Variants in IVD observed in about 807,000 individuals in gnomAD.
IVD encodes isovaleryl-CoA dehydrogenase, mitochondrial.
IVD carries 31 observed loss-of-function variants against 51.3 expected under a neutral mutation model. The observed-to-expected ratio is 0.60, with a 90% CI of 0.45 to 0.81. IVD has a LOEUF of 0.81. IVD is among the 40% of genes least tolerant of loss of function. The pLI is 0.00. For synonymous variants in IVD, 205 were observed against 219.4 expected (o/e 0.93, Z 0.58); for missense variants, 475 against 552.0 (o/e 0.86, Z 1.40).
intron 9 of IVD, 39 bp from the exon 10 acceptor site, chr15:40,416,039 G>A (rs758504390): frequency 5.0e-6 from 8 of 1,590,740 alleles, no homozygotes; most frequent in South Asian, 3.3e-5. Context: ...CTGAGAGAGT[G>A]TTCCAGCATG....
chr15:40,423,773 T>C (rs1892505404), downstream of IVD, among the ~76,000 whole-genome samples: 1 of 152,258 alleles, frequency 6.6e-6, no homozygotes, highest in Non-Finnish European at 1.5e-5. Context: ...GGATAGTTCT[T>C]TAAAGTGCAT....
chr15:40,414,322 T>TA (rs1301667717), intron 7 of IVD: 1 of 161,212 alleles, frequency 6.2e-6, no homozygotes, highest in African/African-American at 2.4e-5. Context: ...CAGCTAGCAT[T>TA]AAAGGCAGGT....
At chr15:40,434,149 A>G (rs1196732715) in intron 8 of IVD, among the ~76,000 whole-genome samples, 1 of 152,206 alleles carries the variant, frequency 6.6e-6, no homozygotes, top group East Asian at 1.9e-4. Flanking sequence ...TGCATTTGCT[A>G]CTTAGTACCA....
chr15:40,426,402 G>T (rs770580974), downstream of IVD, among the ~76,000 whole-genome samples: 1 of 151,918 alleles, frequency 6.6e-6, no homozygotes, highest in South Asian at 2.1e-4. Context: ...GCCGGGTGTG[G>T]TGGTGGATGC....
chr15:40,423,991 C>G (rs2141406462), downstream of IVD: 1 of 335,870 alleles, frequency 3.0e-6, no homozygotes, highest in East Asian at 1.1e-4. Flanking sequence ...CTGTGTGCGC[C>G]ACTTGGTTAC....
chr15:40,423,755 C>T (rs1403312363), downstream of IVD, among the ~76,000 whole-genome samples: 2 of 152,202 alleles, frequency 1.3e-5, no homozygotes, highest in Non-Finnish European at 2.9e-5. Context: ...CCACCATGCC[C>T]GGCCCAAGGA....
At position 40,405,952 on chromosome 15, in the gene IVD, T is replaced by C. The variant is rs121434284; in HGVS notation, c.125T>C (p.Leu42Pro). Reference sequence around the variant, plus strand: ...CCCGTGGACGATGCAATCAATGGGCTAAGCGAGGAGCAGAGGCAGGTGAGG... The same window carrying C: ...CCCGTGGACGATGCAATCAATGGGCCAAGCGAGGAGCAGAGGCAGGTGAGG... Reference protein sequence around the residue: ...LLPVDDAINGLSEEQRQLRQT... With the variant: ...LLPVDDAINGPSEEQRQLRQT... The change falls in exon 1 of 12, where the codon CTA (leucine) becomes CCA (proline). Residue 42 changes from leucine to proline, a missense_variant. Leu to Pro is a moderately conservative substitution (Grantham distance 98, BLOSUM62 -3). Transcript: ENST00000487418. 3.7e-6 allele frequency: 6 copies of C among 1,611,412 alleles called. No individual in the cohort carries two copies. The highest frequency in any genetic ancestry group is 4.2e-6 in the Non-Finnish European group (5 of 1,179,048).
In IVD at chr15:40,418,846, A is replaced by C; in HGVS notation, c.*583A>C. On this transcript the variant is annotated 3_prime_UTR_variant, in exon 12 of 12. Coordinates refer to ENST00000487418, the MANE Select transcript of IVD (RefSeq NM_002225.5). ...TCTGGGGGAAAAAAATAATAAACCT[A>C]GCCTAGCCAGGCGTGGTGGCTCATG... The C allele has an allele frequency of 1.1e-6, 1 of 886,746 alleles. No homozygotes were observed. Among genetic ancestry groups the C allele is most frequent in the Non-Finnish European group, 1.4e-6 (1 of 699,550 alleles). The allele number at this position is 886,746 out of a possible 1,614,324, so 54.9% of individuals were successfully genotyped here.
At chr15:40,422,607 T>C (rs1451692255), downstream of IVD, among the ~76,000 whole-genome samples, 1 of 120,218 alleles carries the variant, frequency 8.3e-6, no homozygotes, top group East Asian at 2.4e-4. Flanking sequence ...TTTTTTTTTT[T>C]TTTTTTTTTT....
At chr15:40,408,676 C>T (rs770240371) in intron 3 of IVD, among the ~76,000 whole-genome samples, 4 of 152,064 alleles carry the variant, frequency 2.6e-5, no homozygotes, top group Non-Finnish European at 5.9e-5. Flanking sequence ...CTAGGCCAGG[C>T]GTGGTTGCTC....
In IVD at chr15:40,415,462, CAGA is replaced by C; in HGVS notation, c.944_946del (p.Lys315del). The C allele has an allele frequency of 6.2e-7, 1 of 1,614,158 alleles. No homozygotes were observed. The highest frequency in any genetic ancestry group is 8.5e-7 in the Non-Finnish European group (1 of 1,180,002). On this transcript the variant is annotated inframe_deletion, in exon 9 of 12. Transcript: ENST00000487418. ...CCTGCACGTGAGGGAAGCCTTTGGC[CAGA>C]AGATCGGCCACTTCCAGGTGAGCCG...
chr15:40,406,864 CTTTTTTTTT>C (rs920097308), intron 1 of IVD, among the ~76,000 whole-genome samples: 3 of 138,778 alleles, frequency 2.2e-5, no homozygotes, highest in Non-Finnish European at 3.2e-5. Flanking sequence ...TTTCTTTTTT[CTTTTTTTTT>C]TTTTTTTGAG....
At chr15:40,415,165 TATC>T in intron 8 of IVD, 183 bp downstream of exon 8, 1 of 780,734 alleles carries the variant, frequency 1.3e-6, no homozygotes, top group Admixed American at 2.5e-5. Context: ...AGTGGGGAAA[TATC>T]ATTAAGTAAC....
At chr15:40,406,009 C>T (rs1357668930) in intron 1 of IVD, 38 bp downstream of exon 1, 2 of 1,245,682 alleles carry the variant, frequency 1.6e-6, no homozygotes, top group Admixed American at 2.2e-5. Context: ...CCAAGGCCTC[C>T]TTCCTGCCTG....
chr15:40,429,943 A>G (rs1414417767), intron 7 of IVD, among the ~76,000 whole-genome samples: 1 of 152,234 alleles, frequency 6.6e-6, no homozygotes, highest in Non-Finnish European at 1.5e-5. Context: ...TGAATGAATC[A>G]GGTCAGGACA....
downstream of IVD, among the ~76,000 whole-genome samples, chr15:40,422,806 G>GT (rs1892433731): frequency 9.0e-6 from 1 of 111,630 alleles, no homozygotes; most frequent in Admixed American, 1.0e-4. Context: ...CACCATGTTG[G>GT]CCAGGCTGGT....
At chr15:40,407,866 C>T (rs1230316318) in intron 2 of IVD, 73 bp from the exon 3 acceptor site, 14 of 1,533,042 alleles carry the variant, frequency 9.1e-6, no homozygotes, top group Non-Finnish European at 1.3e-5. Flanking sequence ...GTTTGGGTCT[C>T]ATTGTTCCAG....
At chr15:40,425,238 T>C (rs1161305724), downstream of IVD, among the ~76,000 whole-genome samples, 1 of 152,092 alleles carries the variant, frequency 6.6e-6, no homozygotes. Flanking sequence ...CAAACTCCTG[T>C]GTACCCAACA....
At position 40,414,936 on chromosome 15, in the gene IVD, A is replaced by C. The variant is rs552272986; in HGVS notation, c.832A>C (p.Ser278Arg). Residue 278 changes from serine to arginine, a missense_variant, in exon 8 of 12, where the codon AGT becomes CGT. Transcript: ENST00000487418. ...HENKGVYVLM[S>R]GLDLERLVLA... ...GAATAAGGGTGTCTACGTGCTGATG[A>C]GTGGGCTGGACCTGGAGCGGCTGGT... 87 of 1,614,130 alleles carry C rather than the reference A, an allele frequency of 5.4e-5. No homozygotes were observed. The East Asian group carries it at 1.9e-3, about 35-fold the overall frequency.
Sources: gnomAD v4.1 joint callset for allele counts (sites outside exome capture counted in the v4.1 genomes callset) on GRCh38, gnomAD v4.1.1 for gene constraint, MANE v1.5 for transcripts, NCBI Gene and HGNC (gene_info 2026-07-23, HGNC 2026-07-21) for gene names.